FAM107A: variants seen among roughly 807,000 people sequenced by gnomAD.
FAM107A encodes the protein actin-associated protein FAM107A.
In FAM107A, 19 loss-of-function variants were observed where a neutral mutation model predicts 13.7. That is an observed-to-expected ratio of 1.38 (90% confidence interval 0.97 to 2.03). The LOEUF (loss-of-function observed/expected upper bound fraction) is 2.03, where lower values mean the gene tolerates loss of function less well. Ranked by LOEUF, FAM107A falls within the 30% of genes most tolerant of loss-of-function variation. The pLI is 0.00. For synonymous variants in FAM107A, 82 were observed against 74.5 expected, an observed-to-expected ratio of 1.10 and a Z score of -0.52; for missense variants, 203 against 184.4, an observed-to-expected ratio of 1.10 and a Z score of -0.58.
At chr3:58,598,354 G>C (rs2065724391) in intron 1 of FAM107A, among the ~76,000 whole-genome samples, 1 of 152,164 alleles carries the variant, frequency 6.6e-6, no homozygotes, top group South Asian at 2.1e-4. Context: ...GCAGTAATGA[G>C]GGCACTGTTT....
At chr3:58,586,138 G>A (rs1325229327) in intron 1 of FAM107A, among the ~76,000 whole-genome samples, 1 of 152,090 alleles carries the variant, frequency 6.6e-6, no homozygotes. Context: ...CTTCAACCGC[G>A]CTGCCGGGCT....
chr3:58,582,058 G>A (rs145624105), upstream of FAM107A, among the ~76,000 whole-genome samples: 285 of 152,328 alleles, frequency 1.9e-3, 1 homozygote, highest in African/African-American at 6.7e-3. Context: ...GCGCATGCAT[G>A]CAGGAGAACC....
At position 58,565,022 on chromosome 3, in the gene FAM107A, T is replaced by C. The variant is rs2063605851; in HGVS notation, c.*1566A>G. The C allele has an allele frequency of 1.3e-5, 2 of 152,240 alleles. 1 individual carries two copies. Among genetic ancestry groups the C allele is most frequent in the South Asian group, 4.1e-4 (2 of 4,832 alleles). The allele number at this position is 152,240 out of a possible 1,614,324, so 9.4% of individuals were successfully genotyped here. The stretch of plus-strand genomic sequence containing the variant: ...GTTTGCTTCCAGGAATCAAAGAGCA[T>C]GCCAGTGGCAGCTATCTGTGGCAGT... On this transcript the variant is annotated 3_prime_UTR_variant, in exon 4 of 4. Transcript: ENST00000360997.
At chr3:58,588,138 T>G (rs2065625633), upstream of FAM107A, among the ~76,000 whole-genome samples, 1 of 152,206 alleles carries the variant, frequency 6.6e-6, no homozygotes, top group African/African-American at 2.4e-5. Flanking sequence ...GTGAGGTGGC[T>G]TGCACAACCA....
chr3:58,595,956 C>T lies in FAM107A; in HGVS notation c.-69-6687G>A, dbSNP rs76822315. Reference sequence around the variant, plus strand: ...ATGGCCAACTGTCATTTGTTCTCACCGTTTCCAAATCGGGAGATGCTGGCT... The same window carrying T: ...ATGGCCAACTGTCATTTGTTCTCACTGTTTCCAAATCGGGAGATGCTGGCT... On this transcript the variant is annotated intron_variant, in intron 1 of 3. Coordinates refer to the FAM107A transcript ENST00000465970. Among the ~76,000 whole-genome samples, 166 of 152,324 alleles carry T rather than the reference C, an allele frequency of 1.1e-3. 4 individuals carry two copies. The East Asian group carries it at 0.028, about 26-fold the overall frequency.
At chr3:58,623,772 G>A (rs924378446) in intron 1 of FAM107A, among the ~76,000 whole-genome samples, 2 of 152,206 alleles carry the variant, frequency 1.3e-5, no homozygotes, top group African/African-American at 4.8e-5. Flanking sequence ...CCACGTCTCT[G>A]GATTTCTGGG....
intron 1 of FAM107A, among the ~76,000 whole-genome samples, chr3:58,605,787 C>T (rs1054710988): frequency 2.0e-5 from 3 of 152,140 alleles, no homozygotes; most frequent in Non-Finnish European, 4.4e-5. Context: ...AATGCTTAAG[C>T]CTTCACTGAG....
At chr3:58,605,984 A>G (rs894958657) in intron 1 of FAM107A, among the ~76,000 whole-genome samples, 10 of 152,172 alleles carry the variant, frequency 6.6e-5, no homozygotes, top group South Asian at 2.1e-4. Flanking sequence ...GAGTTAATCT[A>G]TGTATTTTCC....
intron 1 of FAM107A, among the ~76,000 whole-genome samples, chr3:58,610,034 G>A (rs181918555): frequency 1.3e-5 from 2 of 152,310 alleles, no homozygotes; most frequent in Admixed American, 1.3e-4. Context: ...CAGATAGGCC[G>A]TGTGAGGCCA....
At chr3:58,575,482 A>G (rs2063723005) in intron 1 of FAM107A, among the ~76,000 whole-genome samples, 1 of 150,916 alleles carries the variant, frequency 6.6e-6, no homozygotes, top group African/African-American at 2.4e-5. Flanking sequence ...ACCCTGTTTT[A>G]TAGATGAGAA....
At chr3:58,602,952 T>C (rs2065764849) in intron 1 of FAM107A, among the ~76,000 whole-genome samples, 1 of 152,210 alleles carries the variant, frequency 6.6e-6, no homozygotes, top group Admixed American at 6.5e-5. Flanking sequence ...TTTATGTGAA[T>C]AATGTTTGGA....
At chr3:58,585,564 C>T (rs978108198) in intron 1 of FAM107A, among the ~76,000 whole-genome samples, 1 of 151,930 alleles carries the variant, frequency 6.6e-6, no homozygotes, top group Non-Finnish European at 1.5e-5. Flanking sequence ...CCGCTGCAGA[C>T]GCGGCAGCTG....
At position 58,613,333 on chromosome 3, in the gene FAM107A, C is replaced by T. The variant is rs1303942327; in HGVS notation, c.-70+14083G>A. Among the ~76,000 whole-genome samples, 1 of 152,186 alleles carries T rather than the reference C, an allele frequency of 6.6e-6. No individual in the cohort carries two copies. Among genetic ancestry groups the T allele is most frequent in the Non-Finnish European group, 1.5e-5 (1 of 68,028 alleles). ...AGGAGTCAAACTGTGGGTTGTCTGA[C>T]TTCACTGCCCAGGCTTCTCATGCTG... is the stretch of plus-strand genomic sequence containing the variant. On this transcript the variant is annotated intron_variant, in intron 1 of 3. Coordinates refer to the FAM107A transcript ENST00000465970. This position sits in a 1 kb window ranked among gnomAD's most constrained non-coding sequence, Gnocchi z 4.6.
At chr3:58,566,758 C>T in intron 3 of FAM107A, 63 bp from the exon 4 acceptor site, 1 of 1,386,788 alleles carries the variant, frequency 7.2e-7, no homozygotes, top group East Asian at 2.3e-5. Context: ...CTCTGAAAAC[C>T]TGTGGAGTTT....
At chr3:58,608,966 C>G (rs1353932770) in intron 1 of FAM107A, 2 of 152,152 alleles carry the variant, frequency 1.3e-5, no homozygotes, top group Non-Finnish European at 2.9e-5. Context: ...CATCTCTTTC[C>G]CCTGGACACC....
chr3:58,593,763 C>T (rs936223467), intron 1 of FAM107A, among the ~76,000 whole-genome samples: 1 of 152,084 alleles, frequency 6.6e-6, no homozygotes, highest in African/African-American at 2.4e-5. Flanking sequence ...CTTACACAGC[C>T]GTCCGCGCCC....
chr3:58,625,188 C>G (rs1490376607), intron 1 of FAM107A, among the ~76,000 whole-genome samples: 2 of 152,182 alleles, frequency 1.3e-5, no homozygotes, highest in Non-Finnish European at 2.9e-5. Flanking sequence ...CAAGGAGACC[C>G]CAGAGAAATC....
At chr3:58,622,098 G>C (rs1175018058) in intron 1 of FAM107A, among the ~76,000 whole-genome samples, 1 of 152,204 alleles carries the variant, frequency 6.6e-6, no homozygotes, top group Non-Finnish European at 1.5e-5. Context: ...CCCAAGAAGT[G>C]GGTACAGCAG....
At chr3:58,586,828 C>A in intron 1 of FAM107A, 2 of 1,517,470 alleles carry the variant, frequency 1.3e-6, no homozygotes, top group Non-Finnish European at 1.8e-6. Flanking sequence ...GCCCACTTCC[C>A]GCGGCGAGGG....
Sources: gnomAD v4.1 joint callset for allele counts (sites outside exome capture counted in the v4.1 genomes callset) on GRCh38, gnomAD v4.1.1 for gene constraint, Gnocchi (gnomAD v3.1) non-coding constraint, MANE v1.5 for transcripts, NCBI Gene and HGNC (gene_info 2026-07-23, HGNC 2026-07-21) for gene names.